Variants in TRIM36 observed in about 807,000 individuals in gnomAD.
TRIM36 encodes tripartite motif containing 36, also known as E3 ubiquitin-protein ligase TRIM36.
Under a neutral mutation model 72.4 loss-of-function variants are expected in TRIM36, and 42 were observed. The ratio of observed to expected loss-of-function variants is 0.58; its 90% confidence interval spans 0.45 to 0.75. The LOEUF is 0.75. Among genes scored for constraint, TRIM36 ranks in the 30% least tolerant of loss-of-function variants. TRIM36 has a pLI of 0.00. For synonymous variants in TRIM36, 315 were observed against 282.8 expected (o/e 1.11, Z -1.14); for missense variants, 913 against 857.1 (o/e 1.07, Z -0.81).
intron 2 of TRIM36, among the ~76,000 whole-genome samples, chr5:115,154,205 A>G (rs2112873537): frequency 6.7e-6 from 1 of 150,296 alleles, no homozygotes; most frequent in African/African-American, 2.4e-5. Flanking sequence ...ACGAAAGTTC[A>G]CAGCCCTAAA....
At chr5:115,129,087 A>G (rs1442195047) in intron 9 of TRIM36, among the ~76,000 whole-genome samples, 1 of 152,218 alleles carries the variant, frequency 6.6e-6, no homozygotes, top group Non-Finnish European at 1.5e-5. Context: ...ACAGTATTAC[A>G]GTACATGCTG....
At chr5:115,134,507 TA>T (rs1407568277) in intron 7 of TRIM36, among the ~76,000 whole-genome samples, 2 of 151,856 alleles carry the variant, frequency 1.3e-5, no homozygotes, top group South Asian at 2.1e-4. Flanking sequence ...TTTAATATTT[TA>T]AAATCTAAGT....
chr5:115,180,205 G>T, upstream of TRIM36: 2 of 636,688 alleles, frequency 3.1e-6, no homozygotes, highest in Non-Finnish European at 5.3e-6. Context: ...GGGCTTGGGT[G>T]AAATGAAGGC....
intron 9 of TRIM36, among the ~76,000 whole-genome samples, chr5:115,129,336 G>A (rs1199651299): frequency 6.6e-6 from 1 of 152,202 alleles, no homozygotes; most frequent in African/African-American, 2.4e-5. Context: ...GCTGAGGCAG[G>A]TGGATCACCT....
intron 4 of TRIM36, among the ~76,000 whole-genome samples, chr5:115,143,681 A>C (rs1233952531): frequency 1.3e-5 from 2 of 152,242 alleles, no homozygotes; most frequent in African/African-American, 4.8e-5. Flanking sequence ...ATGCATACAC[A>C]TACTGTTAAA....
chr5:115,164,524 G>C (rs1369977747), intron 1 of TRIM36, among the ~76,000 whole-genome samples: 2 of 152,176 alleles, frequency 1.3e-5, no homozygotes, highest in Non-Finnish European at 2.9e-5. Context: ...GCAGGTGAGA[G>C]AGAGCAAGAG....
chr5:115,132,307 G>C (rs2112777684), intron 8 of TRIM36, among the ~76,000 whole-genome samples: 1 of 151,940 alleles, frequency 6.6e-6, no homozygotes, highest in South Asian at 2.1e-4. Flanking sequence ...GCCGAGGTGG[G>C]TGGATCACTT....
rs765442498 is a variant in TRIM36 at position 115,147,164 on chromosome 5, T to G, written c.493A>C (p.Ser165Arg). ...ATTTTGAAGCATTCATTGCAGTAAC[T>G]TGCACTACAGTCCATGCAGCTTTTT... ...STKSCMDCSA[S>R]YCNECFKIHH... Residue 165 changes from serine to arginine, a missense_variant, in exon 3 of 10, where the codon AGT becomes CGT. Transcript: ENST00000513154. The G allele has an allele frequency of 6.2e-7, 1 of 1,614,222 alleles. No individual in the cohort carries two copies. The highest frequency in any genetic ancestry group is 1.7e-5 in the Admixed American group (1 of 60,020).
chr5:115,126,587 T>C lies in TRIM36; in HGVS notation c.2067A>G (p.Pro689=), dbSNP rs987145897. 2 of 1,614,050 alleles carry C rather than the reference T, an allele frequency of 1.2e-6. No homozygotes were observed. Among genetic ancestry groups the C allele is most frequent in the African/African-American group, 2.7e-5 (2 of 74,948 alleles). ...CTCCACTGCCCATTAATGCAAATGC[T>C]GGATACAGTGTATGTGAACAGTCCA... ...RQVDCSHTLY[P]AFALMGSGGI... Residue 689 remains proline (P), a synonymous_variant, in exon 10 of 10, where the codon CCA becomes CCG. Transcript: ENST00000513154.
At chr5:115,135,966 T>C (rs1752945655) in intron 7 of TRIM36, among the ~76,000 whole-genome samples, 1 of 152,198 alleles carries the variant, frequency 6.6e-6, no homozygotes, top group East Asian at 1.9e-4. Flanking sequence ...TTTGTAGTGT[T>C]CACCATCACT....
chr5:115,147,433 G>A, intron 2 of TRIM36, 39 bp from the exon 3 acceptor site: 1 of 1,574,842 alleles, frequency 6.3e-7, no homozygotes, highest in Non-Finnish European at 8.7e-7. Context: ...TATAGCAGTA[G>A]GAAAATGATT....
chr5:115,146,794 AATCAG>A (rs1246878384), intron 3 of TRIM36, among the ~76,000 whole-genome samples: 1 of 152,204 alleles, frequency 6.6e-6, no homozygotes, highest in Non-Finnish European at 1.5e-5. Context: ...ACCTTTCTTT[AATCAG>A]AGTTATCATT....
chr5:115,138,437 T>C (rs1210812394), intron 5 of TRIM36, among the ~76,000 whole-genome samples: 1 of 152,136 alleles, frequency 6.6e-6, no homozygotes, highest in East Asian at 1.9e-4. Flanking sequence ...AAATATGACA[T>C]TCTTTACTAA....
chr5:115,143,484 T>C (rs1580662802), intron 4 of TRIM36, among the ~76,000 whole-genome samples: 1 of 150,818 alleles, frequency 6.6e-6, no homozygotes, highest in East Asian at 1.9e-4. Context: ...AGCAGAGAAA[T>C]ATAAACTTTA....
chr5:115,163,816 C>G, intron 1 of TRIM36, 64 bp from the exon 2 acceptor site: 1 of 1,191,076 alleles, frequency 8.4e-7, no homozygotes, highest in Non-Finnish European at 1.2e-6. Context: ...ATTCTTATAC[C>G]TCCTGAATAA....
At chr5:115,180,195 G>T, upstream of TRIM36, 1 of 683,280 alleles carries the variant, frequency 1.5e-6, no homozygotes, top group Non-Finnish European at 2.4e-6. Context: ...AGCAAGAAGC[G>T]GGCTTGGGTG....
intron 3 of TRIM36, among the ~76,000 whole-genome samples, chr5:115,145,533 T>TTATTTATC (rs1554062869): frequency 1.3e-4 from 20 of 151,840 alleles, no homozygotes; most frequent in South Asian, 4.1e-4. Context: ...ATTTATTTAT[T>TTATTTATC]TATTTATTTT....
upstream of TRIM36, chr5:115,171,101 G>C (rs147229588): frequency 1.5e-5 from 25 of 1,614,094 alleles, no homozygotes; most frequent in African/African-American, 3.1e-4. Context: ...GAGACATCTC[G>C]TTTAGGTTTT....
rs113928206 is a variant in TRIM36 at position 115,176,932 on chromosome 5, T to C, written c.63+3043A>G. 3.7e-3 allele frequency among the ~76,000 whole-genome samples: 559 copies of C among 152,376 alleles called. 5 individuals carry two copies. The highest frequency in any genetic ancestry group is 0.013 in the African/African-American group (530 of 41,588). ...TGATCGTAAGTATTAACTACACTTA[T>C]GCAGTATTGTTTGATGAGCAGAAAG... On this transcript the variant is annotated intron_variant, in intron 1 of 9. Transcript: ENST00000282369.
Sources: gnomAD v4.1 joint callset for allele counts (sites outside exome capture counted in the v4.1 genomes callset) on GRCh38, gnomAD v4.1.1 for gene constraint, MANE v1.5 for transcripts, NCBI Gene and HGNC (gene_info 2026-07-23, HGNC 2026-07-21) for gene names.